The following SGPP2 variants were observed in gnomAD, a reference collection of about 807,000 sequenced individuals.
The protein encoded by SGPP2 is sphingosine-1-phosphate phosphatase 2, also known as sphingosine 1-phosphate phosphohydrolase 2.
SGPP2 carries 30 observed loss-of-function variants against 33.9 expected under a neutral mutation model. The ratio of observed to expected loss-of-function variants is 0.89; its 90% CI spans 0.66 to 1.20. The LOEUF is 1.20. SGPP2 is among the 50% of genes most tolerant of loss of function. The pLI, the probability that SGPP2 is intolerant of heterozygous loss-of-function variation, is 0.00. For synonymous variants in SGPP2, 233 were observed against 225.0 expected, an observed-to-expected ratio of 1.04 and a Z score of -0.32; for missense variants, 458 against 532.1, an observed-to-expected ratio of 0.86 and a Z score of 1.37.
At chr2:222,435,003 C>T (rs1275053151) in intron 1 of SGPP2, among the ~76,000 whole-genome samples, 1 of 51,706 alleles carries the variant, frequency 1.9e-5, no homozygotes, top group Non-Finnish European at 4.2e-5. Context: ...CACACACACA[C>T]ACACACACAT....
intron 2 of SGPP2, among the ~76,000 whole-genome samples, chr2:222,486,113 C>G (rs1045789492): frequency 6.6e-6 from 1 of 152,186 alleles, no homozygotes; most frequent in Non-Finnish European, 1.5e-5. Flanking sequence ...TTCTCAGGCT[C>G]TTTTGGTGTA....
At chr2:222,435,018 G>GTATATATACACATA (rs544468214) in intron 1 of SGPP2, among the ~76,000 whole-genome samples, 47 of 18,970 alleles carry the variant, frequency 2.5e-3, no homozygotes, top group African/African-American at 6.7e-3. Context: ...ACACATATGT[G>GTATATATACACATA]TATATGTGTG....
At chr2:222,428,830 C>T (rs2106054160) in intron 1 of SGPP2, among the ~76,000 whole-genome samples, 1 of 121,524 alleles carries the variant, frequency 8.2e-6, no homozygotes, top group Non-Finnish European at 1.6e-5. Flanking sequence ...CTCACCCTGT[C>T]ATCCAGGCTG....
At chr2:222,551,046 TAAAGA>T (rs1475947234) in intron 4 of SGPP2, among the ~76,000 whole-genome samples, 2 of 152,234 alleles carry the variant, frequency 1.3e-5, no homozygotes, top group African/African-American at 4.8e-5. Context: ...CTTTGCAAAG[TAAAGA>T]ATACTTATTC....
intron 4 of SGPP2, among the ~76,000 whole-genome samples, chr2:222,541,007 C>T (rs1272602871): frequency 1.3e-5 from 2 of 151,802 alleles, no homozygotes; most frequent in Non-Finnish European, 2.9e-5. Flanking sequence ...TTAGTAGAGA[C>T]GATGTTTCAC....
rs762295055 is a variant in SGPP2, at chr2:222,525,935, G to A, written c.648+902G>A. On this transcript the variant is annotated intron_variant, in intron 4 of 4. Coordinates refer to ENST00000321276, the MANE Select transcript of SGPP2 (RefSeq NM_152386.4). ...GGCAGAAGGGCAGAAGCTGCAGAGC[G>A]AACAGATTGGGGAGATCATTTGTCA... is the stretch of plus-strand genomic sequence containing the variant. Among the ~76,000 whole-genome samples the A allele has an allele frequency of 5.3e-5, 8 of 152,152 alleles. No individual in the cohort carries two copies. In the East Asian group the frequency reaches 7.7e-4, roughly 15 times the overall value.
intron 2 of SGPP2, among the ~76,000 whole-genome samples, chr2:222,499,894 C>G (rs1698340578): frequency 1.3e-5 from 2 of 152,140 alleles, no homozygotes; most frequent in African/African-American, 4.8e-5. Flanking sequence ...CAGAAGGGCC[C>G]AAAGAGTCAG....
intron 4 of SGPP2, among the ~76,000 whole-genome samples, chr2:222,525,607 GCA>G (rs1308794424): frequency 1.3e-5 from 2 of 152,180 alleles, no homozygotes; most frequent in African/African-American, 2.4e-5. Flanking sequence ...GCCATGATTG[GCA>G]CAGTTAAAAT....
At chr2:222,426,306 C>T (rs1368981177) in intron 1 of SGPP2, among the ~76,000 whole-genome samples, 2 of 151,144 alleles carry the variant, frequency 1.3e-5, no homozygotes, top group Admixed American at 1.3e-4. Context: ...ATTCGGTGCA[C>T]ACACTGTTTA....
At chr2:222,510,763 CAG>C (rs777450895) in intron 2 of SGPP2, among the ~76,000 whole-genome samples, 14 of 152,086 alleles carry the variant, frequency 9.2e-5, no homozygotes, top group Non-Finnish European at 1.8e-4. Flanking sequence ...TGAAGACAAA[CAG>C]GGGCAGCTCC....
rs538152793 is a variant in SGPP2 at position 222,530,451 on chromosome 2, A to G, written c.648+5418A>G. Among the ~76,000 whole-genome samples, 10 of 152,354 alleles carry G rather than the reference A, an allele frequency of 6.6e-5. No individual in the cohort carries two copies. In the South Asian group the frequency reaches 1.9e-3, roughly 28 times the overall value. On this transcript the variant is annotated intron_variant, in intron 4 of 4. Transcript: ENST00000321276. ...AGCTAGATTTTCTGGATAACTAGCT[A>G]TAGCTTCTCTATCAGAACTTGCTGC...
intron 1 of SGPP2, among the ~76,000 whole-genome samples, chr2:222,470,996 G>A (rs572851522): frequency 2.6e-4 from 39 of 152,222 alleles, no homozygotes; most frequent in African/African-American, 8.9e-4. Flanking sequence ...ATGCAACCAT[G>A]GTATCTTAGC....
At chr2:222,428,491 C>T (rs191553093) in intron 1 of SGPP2, among the ~76,000 whole-genome samples, 1 of 152,280 alleles carries the variant, frequency 6.6e-6, no homozygotes, top group African/African-American at 2.4e-5. Flanking sequence ...TCCCTGTGTC[C>T]AGTACTTTTT....
chr2:222,539,856 C>T (rs149491551), intron 4 of SGPP2, among the ~76,000 whole-genome samples: 12 of 152,246 alleles, frequency 7.9e-5, no homozygotes, highest in Middle Eastern at 3.4e-3. Flanking sequence ...ACATCCATTG[C>T]GCTTTGGGAT....
chr2:222,540,587 A>G (rs1698976947), intron 4 of SGPP2, among the ~76,000 whole-genome samples: 1 of 152,214 alleles, frequency 6.6e-6, no homozygotes, highest in Non-Finnish European at 1.5e-5. Flanking sequence ...AGTTCCCAGC[A>G]GAACACCTGG....
At chr2:222,446,310 G>A (rs1697398059) in intron 1 of SGPP2, among the ~76,000 whole-genome samples, 1 of 123,558 alleles carries the variant, frequency 8.1e-6, no homozygotes, top group Non-Finnish European at 1.7e-5. Context: ...ACAGGGATGA[G>A]TCAGAGACAT....
intron 2 of SGPP2, among the ~76,000 whole-genome samples, chr2:222,479,915 C>G (rs1698004324): frequency 6.6e-6 from 1 of 152,158 alleles, no homozygotes; most frequent in Non-Finnish European, 1.5e-5. Context: ...TGAAACACAT[C>G]AATCAATTCA....
chr2:222,501,367 C>G (rs1698363414), intron 2 of SGPP2, among the ~76,000 whole-genome samples: 1 of 151,720 alleles, frequency 6.6e-6, no homozygotes, highest in Non-Finnish European at 1.5e-5. Flanking sequence ...TTTCTGAATT[C>G]TATTAAGAAC....
chr2:222,445,688 G>T (rs775815369), intron 1 of SGPP2, among the ~76,000 whole-genome samples: 3 of 152,206 alleles, frequency 2.0e-5, no homozygotes, highest in African/African-American at 7.2e-5. Flanking sequence ...TGCCGCTCTC[G>T]ATGGGAGGAT....
Sources: allele counts gnomAD v4.1 joint callset (sites outside exome capture counted in the v4.1 genomes callset), GRCh38; gene constraint gnomAD v4.1.1; transcripts MANE v1.5; gene names NCBI Gene and HGNC (gene_info 2026-07-23, HGNC 2026-07-21).